The following JARID2 variants were observed in gnomAD, a reference collection of about 807,000 sequenced individuals.
JARID2 encodes the protein protein Jumonji.
A neutral mutation model predicts 125.6 loss-of-function variants in JARID2; 21 were observed. The observed-to-expected ratio is 0.17, with a 90% CI of 0.12 to 0.24. The LOEUF is 0.24. Among genes scored for constraint, JARID2 ranks in the 10% least tolerant of loss-of-function variants. The probability of loss-of-function intolerance (pLI) is 1.00; values close to 1 mark genes in which losing one functional copy is unlikely to be tolerated. For missense variants in JARID2, 1,303 were observed against 1,639.6 expected (o/e 0.79, Z 3.55); for synonymous variants, 736 against 661.6 (o/e 1.11, Z -1.73).
At chr6:15,508,878 C>T in intron 12 of JARID2, 2 of 1,019,126 alleles carry the variant, frequency 2.0e-6, no homozygotes, top group Non-Finnish European at 2.6e-6. Flanking sequence ...AAGTGCCACA[C>T]AAAGCTAACC....
At chr6:15,414,974 T>A (rs1371210401) in intron 3 of JARID2, among the ~76,000 whole-genome samples, 1 of 152,224 alleles carries the variant, frequency 6.6e-6, no homozygotes, top group Non-Finnish European at 1.5e-5. Context: ...TTCCGCAGTG[T>A]TTGTGTCCCT....
rs993254912 is a variant in JARID2, at chr6:15,501,041, C to T, written c.2080C>T (p.Leu694=). The change falls in exon 8 of 18, where the codon CTG becomes TTG. Residue 694 remains leucine, a synonymous_variant. Transcript: ENST00000341776. ...LRIPRTAQDR[L]AKLQEAYCQY... ...CATCCCCAGAACTGCCCAGGACCGG[C>T]TGGCCAAGCTGCAGGAGGCCTACTG... 1 of 1,614,204 alleles carries T rather than the reference C, an allele frequency of 6.2e-7. No individual in the cohort carries two copies. The highest frequency in any genetic ancestry group is 1.7e-5 in the Admixed American group (1 of 60,028).
chr6:15,270,809 T>C (rs1760266448), intron 1 of JARID2, among the ~76,000 whole-genome samples: 1 of 151,874 alleles, frequency 6.6e-6, no homozygotes, highest in African/African-American at 2.4e-5. Flanking sequence ...ATTATGGTGG[T>C]GCACACCTGT....
intron 1 of JARID2, among the ~76,000 whole-genome samples, chr6:15,283,248 G>A (rs1414316965): frequency 6.6e-6 from 1 of 151,014 alleles, no homozygotes; most frequent in African/African-American, 2.4e-5. Context: ...AAAGTGCTGG[G>A]ATTACAGGTG....
intron 1 of JARID2, among the ~76,000 whole-genome samples, chr6:15,365,955 TA>T (rs1436849107): frequency 6.6e-6 from 1 of 152,196 alleles, no homozygotes; most frequent in African/African-American, 2.4e-5. Context: ...AAATTATTAG[TA>T]CTACTGTTAC....
At chr6:15,393,215 A>G (rs1449236239) in intron 2 of JARID2, among the ~76,000 whole-genome samples, 1 of 152,052 alleles carries the variant, frequency 6.6e-6, no homozygotes, top group Non-Finnish European at 1.5e-5. Flanking sequence ...AAAAAAATTG[A>G]TATTTTACTC....
intron 1 of JARID2, among the ~76,000 whole-genome samples, chr6:15,318,184 C>G (rs1762240672): frequency 6.6e-6 from 1 of 151,804 alleles, no homozygotes; most frequent in African/African-American, 2.4e-5. Flanking sequence ...GCACTGCAGC[C>G]TGGGTTACAA....
intron 5 of JARID2, among the ~76,000 whole-genome samples, chr6:15,476,111 A>G (rs1413740746): frequency 6.6e-6 from 1 of 152,200 alleles, no homozygotes; most frequent in African/African-American, 2.4e-5. Context: ...TCCTCCCCAG[A>G]GGGATCACCC....
At chr6:15,382,535 G>GAC (rs1326000270) in intron 2 of JARID2, among the ~76,000 whole-genome samples, 2 of 152,198 alleles carry the variant, frequency 1.3e-5, no homozygotes, top group Non-Finnish European at 2.9e-5. Context: ...GTACTGGTCT[G>GAC]ATGCCAAAGG....
chr6:15,520,660 AT>A lies in JARID2; in HGVS notation c.*415del, dbSNP rs1198409549. Reference sequence around the variant, plus strand: ...TAAAAACCATCAGTCATGTGAGCAGATTTTTTAGAAGGGATAGGAGACACAC... The same window carrying A: ...TAAAAACCATCAGTCATGTGAGCAGATTTTTAGAAGGGATAGGAGACACAC... On this transcript the variant is annotated 3_prime_UTR_variant, in exon 18 of 18. Coordinates refer to ENST00000341776, the MANE Select transcript of JARID2 (RefSeq NM_004973.4). The A allele has an allele frequency of 3.2e-6, 1 of 308,554 alleles. No homozygotes were observed. Among genetic ancestry groups the A allele is most frequent in the African/African-American group, 2.3e-5 (1 of 43,278 alleles). The allele number at this position is 308,554 out of a possible 1,614,324, so 19.1% of individuals were successfully genotyped here.
chr6:15,341,058 T>C (rs1763055168), intron 1 of JARID2, among the ~76,000 whole-genome samples: 1 of 152,236 alleles, frequency 6.6e-6, no homozygotes, highest in Non-Finnish European at 1.5e-5. Context: ...AAAGGAAGTC[T>C]TTTCTTTTAT....
At position 15,472,296 on chromosome 6, in the gene JARID2, T is replaced by C. The variant is rs73724412; in HGVS notation, c.670+3578T>C. On this transcript the variant is annotated intron_variant, in intron 5 of 17. Transcript: ENST00000341776. Reference sequence around the variant, plus strand: ...TCTTCTGTCATCCTTTCTTTTACAATAGAGTCACAGCATCAGATAGAGGAG... The same window carrying C: ...TCTTCTGTCATCCTTTCTTTTACAACAGAGTCACAGCATCAGATAGAGGAG... 7.2e-3 allele frequency among the ~76,000 whole-genome samples: 1,091 copies of C among 152,208 alleles called. 15 individuals carry two copies. Among genetic ancestry groups the C allele is most frequent in the African/African-American group, 0.025 (1,047 of 41,516 alleles).
intron 12 of JARID2, among the ~76,000 whole-genome samples, 179 bp from the exon 13 acceptor site, chr6:15,511,117 C>A (rs1269511843): frequency 7.2e-5 from 11 of 152,218 alleles, no homozygotes; most frequent in Non-Finnish European, 1.5e-4. Context: ...GGCACTGCTG[C>A]CATGGGAAAT....
chr6:15,462,787 G>A (rs1466280750), intron 4 of JARID2, among the ~76,000 whole-genome samples: 1 of 152,176 alleles, frequency 6.6e-6, no homozygotes, highest in Non-Finnish European at 1.5e-5. Flanking sequence ...ATCGAGGGAG[G>A]GAAGATAATG....
chr6:15,503,626 C>T (rs576369456), intron 8 of JARID2, among the ~76,000 whole-genome samples: 80 of 152,140 alleles, frequency 5.3e-4, no homozygotes, highest in Non-Finnish European at 9.3e-4. Context: ...GGAAGCTCCT[C>T]GAGGTTTTGT....
At chr6:15,492,750 G>C (rs541870689) in intron 6 of JARID2, among the ~76,000 whole-genome samples, 2 of 152,158 alleles carry the variant, frequency 1.3e-5, no homozygotes, top group African/African-American at 2.4e-5. Context: ...TCTGGGTTTC[G>C]AGGAGGAAGA....
rs149839154 is a variant in JARID2 at position 15,293,487 on chromosome 6, G to A, written c.45+46903G>A. ...GAATTAGTGGGCAGAATTTTTGAAC[G>A]GATGTTGTAAATGTTTGTGATAAGG... On this transcript the variant is annotated intron_variant, in intron 1 of 17. Coordinates refer to ENST00000341776, the MANE Select transcript of JARID2 (RefSeq NM_004973.4). Among the ~76,000 whole-genome samples, 89 of 152,304 alleles carry A rather than the reference G, an allele frequency of 5.8e-4. 1 individual carries two copies. The highest frequency in any genetic ancestry group is 1.9e-3 in the African/African-American group (79 of 41,562).
intron 5 of JARID2, among the ~76,000 whole-genome samples, chr6:15,484,123 G>T (rs1367326845): frequency 6.6e-6 from 1 of 152,066 alleles, no homozygotes; most frequent in Non-Finnish European, 1.5e-5. Context: ...GGTCCTTGAA[G>T]GGTCTGTAAA....
At chr6:15,377,375 C>T (rs1348715624) in intron 2 of JARID2, among the ~76,000 whole-genome samples, 1 of 152,168 alleles carries the variant, frequency 6.6e-6, no homozygotes, top group African/African-American at 2.4e-5. Context: ...CAATTACCTC[C>T]TCCTGGGTCC....
Sources: gnomAD v4.1 joint callset for allele counts (sites outside exome capture counted in the v4.1 genomes callset) on GRCh38, gnomAD v4.1.1 for gene constraint, MANE v1.5 for transcripts, NCBI Gene and HGNC (gene_info 2026-07-23, HGNC 2026-07-21) for gene names.